The following GRID2 variants were observed in gnomAD, a reference collection of about 807,000 sequenced individuals.
GRID2 encodes the protein glutamate receptor ionotropic, delta-2.
In GRID2, 33 loss-of-function variants were observed where a neutral mutation model predicts 114.8. The observed-to-expected ratio is 0.29, with a 90% CI of 0.22 to 0.38. The LOEUF (loss-of-function observed/expected upper bound fraction) is 0.38. GRID2 is among the 10% of genes least tolerant of loss of function. The pLI, the probability that GRID2 is intolerant of heterozygous loss-of-function variation, is 1.00. For synonymous variants in GRID2, 505 were observed against 449.9 expected, an observed-to-expected ratio of 1.12 and a Z score of -1.55; for missense variants, 1,184 against 1,257.7, an observed-to-expected ratio of 0.94 and a Z score of 0.89.
chr4:92,736,588 A>G (rs1345637140), intron 2 of GRID2, among the ~76,000 whole-genome samples: 1 of 152,080 alleles, frequency 6.6e-6, no homozygotes, highest in African/African-American at 2.4e-5. Context: ...CCATTACCAA[A>G]TACAACAACA....
At chr4:92,418,471 T>A (rs2110318412) in intron 1 of GRID2, among the ~76,000 whole-genome samples, 1 of 152,120 alleles carries the variant, frequency 6.6e-6, no homozygotes, top group African/African-American at 2.4e-5. Flanking sequence ...TTACACTGGC[T>A]GTAGTGTAGA....
intron 5 of GRID2, among the ~76,000 whole-genome samples, chr4:93,211,594 C>T (rs1743484484): frequency 6.6e-6 from 1 of 152,094 alleles, no homozygotes; most frequent in South Asian, 2.1e-4. Flanking sequence ...AGGTTTTCTA[C>T]TGTGAATTGT....
chr4:92,659,723 GAATA>G (rs1732428101), intron 2 of GRID2, among the ~76,000 whole-genome samples: 1 of 151,392 alleles, frequency 6.6e-6, no homozygotes, highest in African/African-American at 2.4e-5. Flanking sequence ...AAGTGTGAAA[GAATA>G]AATCCATTCC....
chr4:92,305,502 T>G (rs1440678983), intron 1 of GRID2, among the ~76,000 whole-genome samples: 1 of 152,156 alleles, frequency 6.6e-6, no homozygotes, highest in Non-Finnish European at 1.5e-5. Context: ...TCCCGAGGTC[T>G]GCTTAGCAGA....
intron 11 of GRID2, among the ~76,000 whole-genome samples, chr4:93,486,001 A>T (rs1400799642): frequency 1.9e-4 from 29 of 151,718 alleles, no homozygotes; most frequent in Admixed American, 1.9e-3. Context: ...TGAACATGCT[A>T]TATCTTCATT....
At chr4:92,513,061 T>C (rs1224383599) in intron 1 of GRID2, among the ~76,000 whole-genome samples, 1 of 151,844 alleles carries the variant, frequency 6.6e-6, no homozygotes, top group Admixed American at 6.6e-5. Flanking sequence ...AACAGCACAT[T>C]TGCAAGATTT....
intron 2 of GRID2, among the ~76,000 whole-genome samples, chr4:93,043,944 G>A (rs1352582557): frequency 6.7e-6 from 1 of 150,186 alleles, no homozygotes; most frequent in African/African-American, 2.5e-5. Flanking sequence ...AATAAAAAAA[G>A]ACAAATGTCT....
intron 2 of GRID2, among the ~76,000 whole-genome samples, chr4:92,746,908 T>C (rs960615279): frequency 3.3e-5 from 5 of 152,108 alleles, no homozygotes; most frequent in African/African-American, 1.2e-4. Context: ...TTCCCAGAAA[T>C]CTTCACCAAT....
chr4:92,385,998 G>A (rs924086875), intron 1 of GRID2, among the ~76,000 whole-genome samples: 12 of 149,654 alleles, frequency 8.0e-5, no homozygotes, highest in East Asian at 2.0e-4. Flanking sequence ...GTGAAATGTC[G>A]TCTCCTCACC....
chr4:92,799,981 G>A (rs1196732063), intron 2 of GRID2, among the ~76,000 whole-genome samples: 2 of 151,900 alleles, frequency 1.3e-5, no homozygotes, highest in African/African-American at 4.8e-5. Context: ...TAAGGACTCA[G>A]TAAATATTTG....
chr4:92,767,900 T>C (rs1176226752), intron 2 of GRID2, among the ~76,000 whole-genome samples: 1 of 148,626 alleles, frequency 6.7e-6, no homozygotes, highest in Non-Finnish European at 1.5e-5. Flanking sequence ...CTCACCAACA[T>C]AGTGAGCCAT....
At chr4:93,270,401 AC>A (rs1751320204) in intron 8 of GRID2, among the ~76,000 whole-genome samples, 1 of 152,168 alleles carries the variant, frequency 6.6e-6, no homozygotes, top group Admixed American at 6.5e-5. Context: ...GGATATAGTA[AC>A]TGCTTATACT....
chr4:93,533,262 CT>C (rs1731652282), intron 13 of GRID2, among the ~76,000 whole-genome samples: 5 of 35,252 alleles, frequency 1.4e-4, no homozygotes, highest in Non-Finnish European at 3.2e-4. Context: ...TCCTTCCTTC[CT>C]TCCTTCCTTC....
At chr4:92,825,391 AT>A (rs1741623704) in intron 2 of GRID2, among the ~76,000 whole-genome samples, 8 of 152,154 alleles carry the variant, frequency 5.3e-5, no homozygotes, top group African/African-American at 1.7e-4. Context: ...AGCTCTGCTT[AT>A]CAGTTGTGCT....
chr4:92,916,086 G>C (rs2149496257), intron 2 of GRID2, among the ~76,000 whole-genome samples: 1 of 152,120 alleles, frequency 6.6e-6, no homozygotes, highest in South Asian at 2.1e-4. Context: ...GATCCCATTT[G>C]TCAATTTTAG....
chr4:93,594,179 T>C (rs923526456), intron 13 of GRID2, among the ~76,000 whole-genome samples: 2 of 146,286 alleles, frequency 1.4e-5, no homozygotes, highest in Non-Finnish European at 3.0e-5. Flanking sequence ...TCCCCATCTT[T>C]GTGGTTTTAT....
At chr4:93,703,490 C>T (rs535118160) in intron 14 of GRID2, among the ~76,000 whole-genome samples, 4 of 151,688 alleles carry the variant, frequency 2.6e-5, no homozygotes, top group African/African-American at 7.3e-5. Flanking sequence ...AATACTAGAT[C>T]GTATTTATTT....
intron 14 of GRID2, among the ~76,000 whole-genome samples, chr4:93,755,019 G>GCTC (rs1732623635): frequency 6.6e-6 from 1 of 152,090 alleles, no homozygotes; most frequent in Admixed American, 6.5e-5. Context: ...GTAAGTAAAC[G>GCTC]TTGTGCATGT....
At chr4:92,994,876 G>A (rs1755107012) in intron 2 of GRID2, among the ~76,000 whole-genome samples, 1 of 151,988 alleles carries the variant, frequency 6.6e-6, no homozygotes, top group Non-Finnish European at 1.5e-5. Context: ...GTGTATGTTG[G>A]AGCCAGCTCA....
Sources: allele counts gnomAD v4.1 joint callset (sites outside exome capture counted in the v4.1 genomes callset), GRCh38; gene constraint gnomAD v4.1.1; transcripts MANE v1.5; gene names NCBI Gene and HGNC (gene_info 2026-07-23, HGNC 2026-07-21).